Variants in OSBPL10 observed in about 807,000 individuals in gnomAD.
The protein encoded by OSBPL10 is oxysterol binding protein like 10, also known as oxysterol-binding protein-related protein 10.
A neutral mutation model predicts 81.7 loss-of-function variants in OSBPL10; 49 were observed. That is an observed-to-expected ratio of 0.60 (90% CI 0.48 to 0.76). The LOEUF is 0.76. OSBPL10 is among the 30% of genes least tolerant of loss of function. The pLI, the probability that OSBPL10 is intolerant of heterozygous loss-of-function variation, is 0.00. For missense variants in OSBPL10, 923 were observed against 987.8 expected, an observed-to-expected ratio of 0.93 and a Z score of 0.88; for synonymous variants, 419 against 383.6, an observed-to-expected ratio of 1.09 and a Z score of -1.08.
At chr3:32,015,808 AAAG>A (rs1281783754) in intron 2 of OSBPL10, among the ~76,000 whole-genome samples, 1 of 152,230 alleles carries the variant, frequency 6.6e-6, no homozygotes, top group Non-Finnish European at 1.5e-5. Context: ...ACACTTCTCA[AAAG>A]AAGATATTTA....
intron 1 of OSBPL10, among the ~76,000 whole-genome samples, chr3:31,930,154 C>CA (rs35565064): frequency 0.29 from 41,458 of 144,510 alleles, 6,940 homozygotes; most frequent in East Asian, 0.55. Flanking sequence ...CCTCAGATCT[C>CA]AAAAAAAAAA....
rs763615071 is a variant in OSBPL10 at position 31,989,178 on chromosome 3, C to A, written n.298+57313G>T. 3.3e-5 allele frequency: 53 copies of A among 1,614,110 alleles called. No individual in the cohort carries two copies. The highest frequency in any genetic ancestry group is 4.4e-5 in the Non-Finnish European group (52 of 1,180,024). Reference sequence around the variant, plus strand: ...CTTTTAGGGATGTGGCTATAGAATTCTCTTTGGAGGAGTGGAAATGCCTGG... The same window carrying A: ...CTTTTAGGGATGTGGCTATAGAATTATCTTTGGAGGAGTGGAAATGCCTGG... On this transcript the variant is annotated intron_variant and non_coding_transcript_variant, in intron 2 of 3. Transcript: ENST00000479173.
At chr3:32,058,640 A>T (rs957430099) in intron 1 of OSBPL10, among the ~76,000 whole-genome samples, 7 of 152,070 alleles carry the variant, frequency 4.6e-5, no homozygotes, top group African/African-American at 1.5e-4. Context: ...ACTATTCAAA[A>T]TGTTTTAAAT....
intron 4 of OSBPL10, among the ~76,000 whole-genome samples, chr3:31,812,989 T>C (rs1309849904): frequency 6.6e-6 from 1 of 152,156 alleles, no homozygotes. Flanking sequence ...ATTTTATCCC[T>C]TCTAGACAAC....
At chr3:31,812,727 AAAG>A (rs1699719910) in intron 4 of OSBPL10, among the ~76,000 whole-genome samples, 16 of 16,686 alleles carry the variant, frequency 9.6e-4, no homozygotes, top group East Asian at 5.2e-3. Flanking sequence ...AAAAAGAAAG[AAAG>A]AAAGAAAGAA....
At chr3:31,799,883 A>G (rs990070011) in intron 4 of OSBPL10, among the ~76,000 whole-genome samples, 1 of 152,048 alleles carries the variant, frequency 6.6e-6, no homozygotes, top group Non-Finnish European at 1.5e-5. Flanking sequence ...TAATTTTTGT[A>G]TTTTCAGTAG....
At position 31,670,782 on chromosome 3, in the gene OSBPL10, C is replaced by T; in HGVS notation, c.1913+15G>A. 2 of 1,606,584 alleles carry T rather than the reference C, an allele frequency of 1.2e-6. No homozygotes were observed. The highest frequency in any genetic ancestry group is 8.5e-7 in the Non-Finnish European group (1 of 1,175,422). ...TTGTTAAGACAAAGCCAGAGTCTCT[C>T]CGGCCAGCTCCTACCTGTGGACTTT... On this transcript the variant is annotated intron_variant, in intron 9 of 11. Transcript: ENST00000396556.
rs73057403 is a variant in OSBPL10 at position 31,777,165 on chromosome 3, G to A, written c.730-29045C>T. On this transcript the variant is annotated intron_variant, in intron 4 of 11. Transcript: ENST00000396556. ...TCATTTAAAACTCACATTGTGAAGG[G>A]ACTCCTGCAGCACTGAACAGCACAT... is the stretch of plus-strand genomic sequence containing the variant. 3.9e-3 allele frequency among the ~76,000 whole-genome samples: 591 copies of A among 152,286 alleles called. 3 individuals are homozygous for A. The highest frequency in any genetic ancestry group is 6.9e-3 in the Non-Finnish European group (470 of 68,030).
At chr3:31,812,717 A>AAAAAGAAAG (rs1559476001) in intron 4 of OSBPL10, among the ~76,000 whole-genome samples, 27 of 53,544 alleles carry the variant, frequency 5.0e-4, no homozygotes, top group East Asian at 1.8e-3. Context: ...GTAGGCAAAA[A>AAAAAGAAAG]AAAAGAAAGA....
intron 4 of OSBPL10, among the ~76,000 whole-genome samples, chr3:31,786,112 C>A (rs1559464411): frequency 6.6e-6 from 1 of 152,132 alleles, no homozygotes; most frequent in Non-Finnish European, 1.5e-5. Flanking sequence ...TTCAGTGAGC[C>A]ACCTTCTAAT....
At chr3:31,733,142 T>C in intron 6 of OSBPL10, 115 bp downstream of exon 6, 5 of 1,436,324 alleles carry the variant, frequency 3.5e-6, no homozygotes, top group Non-Finnish European at 4.7e-6. Flanking sequence ...TTCTTCCATT[T>C]TTTAATTTGT....
At chr3:31,862,310 G>T (rs1701075839) in intron 3 of OSBPL10, among the ~76,000 whole-genome samples, 1 of 152,104 alleles carries the variant, frequency 6.6e-6, no homozygotes, top group African/African-American at 2.4e-5. Context: ...ACATAGACAT[G>T]CAAAGTATAA....
rs1304775713 is a variant in OSBPL10, at chr3:31,810,425, A to C, written c.729+19615T>G. Reference sequence around the variant, plus strand: ...AAAACAATAATCTTAGAGTGAAAAAAATGTTTATAATAATGACACAGAACT... The same window carrying C: ...AAAACAATAATCTTAGAGTGAAAAACATGTTTATAATAATGACACAGAACT... On this transcript the variant is annotated intron_variant, in intron 4 of 11. Coordinates refer to ENST00000396556, the MANE Select transcript of OSBPL10 (RefSeq NM_017784.5). 2.6e-5 allele frequency among the ~76,000 whole-genome samples: 4 copies of C among 151,092 alleles called. No homozygotes were observed. The South Asian group carries it at 6.4e-4, about 24-fold the overall frequency.
intron 1 of OSBPL10, among the ~76,000 whole-genome samples, chr3:32,075,904 A>C (rs1314179328): frequency 6.6e-6 from 1 of 152,190 alleles, no homozygotes. Flanking sequence ...ACATTCCACC[A>C]TTGAGATTTG....
chr3:31,880,799 C>T (rs2125639953), intron 1 of OSBPL10, among the ~76,000 whole-genome samples: 1 of 152,328 alleles, frequency 6.6e-6, no homozygotes, highest in East Asian at 1.9e-4. Flanking sequence ...AAACTGTTAC[C>T]AGTCCACCAC....
At chr3:31,970,047 G>A (rs904808090) in intron 1 of OSBPL10, among the ~76,000 whole-genome samples, 2 of 152,092 alleles carry the variant, frequency 1.3e-5, no homozygotes, top group African/African-American at 4.8e-5. Context: ...AGGAGACCAA[G>A]TTCTTTCCAG....
chr3:31,916,565 A>T (rs58387460), intron 1 of OSBPL10, among the ~76,000 whole-genome samples: 20,546 of 151,924 alleles, frequency 0.14, 1,654 homozygotes, highest in East Asian at 0.31. Context: ...TTTATCACCC[A>T]CCCCCACAAA....
chr3:31,832,936 G>C (rs1009809369), intron 3 of OSBPL10, among the ~76,000 whole-genome samples: 1 of 152,206 alleles, frequency 6.6e-6, no homozygotes, highest in Non-Finnish European at 1.5e-5. Context: ...ATGAAGGAGT[G>C]GGGCGAGAGC....
At chr3:31,779,479 T>C (rs1698631359) in intron 4 of OSBPL10, among the ~76,000 whole-genome samples, 1 of 152,170 alleles carries the variant, frequency 6.6e-6, no homozygotes, top group South Asian at 2.1e-4. Flanking sequence ...GGACATTACA[T>C]AATGATAAAA....
Sources: gnomAD v4.1 joint callset for allele counts (sites outside exome capture counted in the v4.1 genomes callset) on GRCh38, gnomAD v4.1.1 for gene constraint, MANE v1.5 for transcripts, NCBI Gene and HGNC (gene_info 2026-07-23, HGNC 2026-07-21) for gene names.